Variants in TDRD1 observed in about 807,000 individuals in gnomAD.
The protein encoded by TDRD1 is tudor domain containing 1.
Under a neutral mutation model 140.6 loss-of-function variants are expected in TDRD1, and 37 were observed. The observed-to-expected ratio is 0.26, with a 90% confidence interval of 0.20 to 0.35. The LOEUF is 0.35. Ranked by LOEUF, TDRD1 falls within the 10% of genes least tolerant of loss-of-function variation. TDRD1 has a pLI of 1.00. For missense variants in TDRD1, 1,243 were observed against 1,393.0 expected, an observed-to-expected ratio of 0.89 and a Z score of 1.71; for synonymous variants, 506 against 475.7, an observed-to-expected ratio of 1.06 and a Z score of -0.83.
exon 8 of TDRD1, chr10:114,203,400 G>A (rs373172456): frequency 8.1e-6 from 13 of 1,595,654 alleles, no homozygotes; most frequent in Admixed American, 3.7e-5. Context: ...TACGGTTACC[G>A]AATTCAAACA....
At chr10:114,223,523 G>A (rs1218144488) in intron 21 of TDRD1, among the ~76,000 whole-genome samples, 2 of 152,166 alleles carry the variant, frequency 1.3e-5, no homozygotes. Context: ...TTTTTGTTGG[G>A]GAGCACAAGT....
At chr10:114,211,674 A>G (rs1018273071) in intron 13 of TDRD1, among the ~76,000 whole-genome samples, 192 bp from the exon 14 acceptor site, 3 of 152,254 alleles carry the variant, frequency 2.0e-5, no homozygotes, top group Non-Finnish European at 4.4e-5. Flanking sequence ...CATAATTACT[A>G]TAGTAAGCTA....
At chr10:114,181,406 T>C (rs1041699359) in intron 1 of TDRD1, among the ~76,000 whole-genome samples, 1 of 152,216 alleles carries the variant, frequency 6.6e-6, no homozygotes, top group African/African-American at 2.4e-5. Context: ...ATCTGTCACA[T>C]TTGTTTACCT....
chr10:114,206,303 G>A (rs1177898774), exon 11 of TDRD1: 2 of 1,613,466 alleles, frequency 1.2e-6, no homozygotes, highest in Admixed American at 1.7e-5. Flanking sequence ...CAGTGGACAA[G>A]ATTCTAAGAA....
upstream of TDRD1, among the ~76,000 whole-genome samples, chr10:114,174,980 C>G (rs2032658851): frequency 6.6e-6 from 1 of 152,192 alleles, no homozygotes; most frequent in African/African-American, 2.4e-5. Context: ...ACACATATCT[C>G]ATGAATGAAA....
At chr10:114,221,313 A>AT (rs748592187) in intron 19 of TDRD1, 44 bp from the exon 20 acceptor site, 40 of 1,584,666 alleles carry the variant, frequency 2.5e-5, no homozygotes, top group South Asian at 6.8e-5. Flanking sequence ...ACAACAGTAC[A>AT]TTTTTTTTAT....
intron 6 of TDRD1, among the ~76,000 whole-genome samples, chr10:114,202,785 G>A (rs2034844914): frequency 6.6e-6 from 1 of 152,164 alleles, no homozygotes; most frequent in Non-Finnish European, 1.5e-5. Flanking sequence ...ATTAACAAGT[G>A]CAGATTTAAA....
At chr10:114,204,074 C>G (rs200903831) in exon 9 of TDRD1, 2 of 1,601,898 alleles carry the variant, frequency 1.2e-6, no homozygotes, top group Non-Finnish European at 1.7e-6. Context: ...CACTTTCAGA[C>G]CTGGAACAGA....
chr10:114,216,060 A>G lies in TDRD1; in HGVS notation c.2213-1485A>G, dbSNP rs1589702281. Among the ~76,000 whole-genome samples, 2 of 152,338 alleles carry G rather than the reference A, an allele frequency of 1.3e-5. 1 individual carries two copies. The highest frequency in any genetic ancestry group is 6.8e-3 in the Middle Eastern group (2 of 294). On this transcript the variant is annotated intron_variant, in intron 16 of 25. Transcript: ENST00000251864. ...ACAGTTTTTATTTTGGAATAATTTTAGGTATACAGAAAGTCACAAAGATGG... is the reference window on the plus strand; with the variant it reads ...ACAGTTTTTATTTTGGAATAATTTTGGGTATACAGAAAGTCACAAAGATGG...
At chr10:114,186,381 A>G (rs1431068607) in intron 1 of TDRD1, among the ~76,000 whole-genome samples, 1 of 152,016 alleles carries the variant, frequency 6.6e-6, no homozygotes, top group African/African-American at 2.4e-5. Flanking sequence ...CTCCTGCCTC[A>G]GCCTCCTGAG....
At chr10:114,191,296 C>G (rs1403641309) in intron 3 of TDRD1, among the ~76,000 whole-genome samples, 2 of 152,174 alleles carry the variant, frequency 1.3e-5, no homozygotes, top group Non-Finnish European at 1.5e-5. Context: ...TATTGATACA[C>G]CATCAAGATA....
chr10:114,197,513 A>G (rs561807949), intron 3 of TDRD1, among the ~76,000 whole-genome samples: 8 of 150,214 alleles, frequency 5.3e-5, no homozygotes, highest in Non-Finnish European at 8.9e-5. Context: ...TACAATCTTT[A>G]TAGATAAATG....
intron 17 of TDRD1, 80 bp from the exon 18 acceptor site, chr10:114,218,334 G>C: frequency 1.9e-6 from 2 of 1,026,022 alleles, no homozygotes; most frequent in Non-Finnish European, 2.7e-6. Context: ...TTAGACAAAG[G>C]GTGGCTTTTT....
chr10:114,181,466 G>C (rs2033058017), intron 1 of TDRD1, among the ~76,000 whole-genome samples: 1 of 152,178 alleles, frequency 6.6e-6, no homozygotes, highest in Non-Finnish European at 1.5e-5. Context: ...TTATGCCATA[G>C]GGCCTGCCTA....
upstream of TDRD1, among the ~76,000 whole-genome samples, chr10:114,175,285 A>AAAATAG (rs1648287607): frequency 6.6e-6 from 1 of 152,252 alleles, no homozygotes; most frequent in Non-Finnish European, 1.5e-5. Flanking sequence ...CTCGTCAGTA[A>AAAATAG]TAACATAGGT....
intron 11 of TDRD1, among the ~76,000 whole-genome samples, chr10:114,206,539 A>G (rs1402222168): frequency 6.6e-6 from 1 of 151,848 alleles, no homozygotes; most frequent in African/African-American, 2.4e-5. Context: ...CATTTTCCAC[A>G]TGAATCCTTA....
At position 114,226,949 on chromosome 10, in the gene TDRD1, C is replaced by T. The variant is rs182701926; in HGVS notation, c.3176-123C>T. ...CTTTTGTAATGCAACAGCAGTAGTA[C>T]ATCAGAACACACCTAAATCCAGCTG... On this transcript the variant is annotated intron_variant, in intron 22 of 25. Transcript: ENST00000251864. 2.2e-4 allele frequency: 138 copies of T among 616,060 alleles called. 2 individuals are homozygous for T. The Admixed American group carries it at 3.9e-3, about 17-fold the overall frequency. 38.2% of individuals were successfully genotyped at this position (616,060 alleles called of 1,614,324 possible).
intron 25 of TDRD1, among the ~76,000 whole-genome samples, chr10:114,229,500 G>T (rs368490304): frequency 1.8e-4 from 27 of 149,074 alleles, no homozygotes; most frequent in African/African-American, 6.6e-4. Flanking sequence ...CTAATACATT[G>T]TCTTAATACT....
chr10:114,181,805 C>T (rs2033090215), intron 1 of TDRD1, among the ~76,000 whole-genome samples: 2 of 150,722 alleles, frequency 1.3e-5, no homozygotes, highest in Admixed American at 6.6e-5. Context: ...GAGATCATGC[C>T]GCTGCACTCC....
Sources: gnomAD v4.1 joint callset for allele counts (sites outside exome capture counted in the v4.1 genomes callset) on GRCh38, gnomAD v4.1.1 for gene constraint, MANE v1.5 for transcripts, NCBI Gene and HGNC (gene_info 2026-07-23, HGNC 2026-07-21) for gene names.